ASB12: variants seen among roughly 807,000 people sequenced by gnomAD.
ASB12 encodes ankyrin repeat and SOCS box containing 12, also known as ankyrin repeat and SOCS box protein 12.
Under a neutral mutation model 13.7 loss-of-function variants are expected in ASB12, and 17 were observed. The ratio of observed to expected loss-of-function variants is 1.24; its 90% CI spans 0.85 to 1.86. The LOEUF (loss-of-function observed/expected upper bound fraction) is 1.86, where lower values mean the gene tolerates loss of function less well. Among genes scored for constraint, ASB12 ranks in the 40% most tolerant of loss-of-function variants. The probability of loss-of-function intolerance (pLI) is 0.00; values close to 1 mark genes in which losing one functional copy is unlikely to be tolerated. For synonymous variants in ASB12, 107 were observed against 99.8 expected, an observed-to-expected ratio of 1.07 and a Z score of -0.43; for missense variants, 329 against 250.5, an observed-to-expected ratio of 1.31 and a Z score of -2.11.
At chrX:64,226,458 G>A (rs1930953310) in intron 1 of ASB12, among the ~76,000 whole-genome samples, 1 of 111,910 alleles carries the variant, frequency 8.9e-6, no homozygotes, top group South Asian at 3.8e-4. Context: ...AAGACAGATG[G>A]CAGGAAACAG....
At chrX:64,229,471 G>A (rs941073389) in intron 1 of ASB12, among the ~76,000 whole-genome samples, 2 of 111,989 alleles carry the variant, frequency 1.8e-5, no homozygotes, top group African/African-American at 6.5e-5. Flanking sequence ...GTTACTATGT[G>A]CCTGTTATGT....
chrX:64,227,426 G>T (rs1930969638), intron 1 of ASB12, among the ~76,000 whole-genome samples: 1 of 111,433 alleles, frequency 9.0e-6, no homozygotes, highest in African/African-American at 3.3e-5. Context: ...CTCTTCAAAA[G>T]GTCATCTTTG....
chrX:64,228,063 T>C (rs1389574368), intron 1 of ASB12, among the ~76,000 whole-genome samples: 1 of 112,409 alleles, frequency 8.9e-6, no homozygotes, highest in Non-Finnish European at 1.9e-5. Context: ...AATTTAAAAA[T>C]ACATATCTGA....
Position 64,224,830 on chromosome X carries a change from C to G in ASB12, c.821G>C (p.Arg274Pro), listed in dbSNP as rs142045870. The change falls in exon 2 of 3, where the codon CGA becomes CCA. Residue 274 changes from arginine (R) to proline (P), a missense_variant and splice_region_variant. By Grantham distance (103) the Arg-to-Pro change is moderately radical. Transcript: ENST00000362002. ...DKGIALLLQA[R>P]ATPRSLLSQV... ...AGGCTGGCCTGTTCACCACTCACCT[C>G]GGGCCTGTAGCAGCAATGCAATGCC... The G allele has an allele frequency of 2.8e-5, 33 of 1,177,729 alleles. No homozygotes were observed. The highest frequency in any genetic ancestry group is 3.6e-5 in the Non-Finnish European group (32 of 876,815).
Sources: gnomAD v4.1 joint callset for allele counts (sites outside exome capture counted in the v4.1 genomes callset) on GRCh38, gnomAD v4.1.1 for gene constraint, MANE v1.5 for transcripts, NCBI Gene and HGNC (gene_info 2026-07-23, HGNC 2026-07-21) for gene names.